The following SLC9C1 variants were observed in gnomAD, a reference collection of about 807,000 sequenced individuals.
The protein encoded by SLC9C1 is solute carrier family 9 member C1.
SLC9C1 carries 97 observed loss-of-function variants against 140.9 expected under a neutral mutation model. The observed-to-expected ratio is 0.69, with a 90% CI of 0.58 to 0.82. The LOEUF (loss-of-function observed/expected upper bound fraction) is 0.82. Ranked by LOEUF, SLC9C1 falls within the 40% of genes least tolerant of loss-of-function variation. The probability of loss-of-function intolerance (pLI) is 0.00; values close to 1 mark genes in which losing one functional copy is unlikely to be tolerated. For synonymous variants in SLC9C1, 440 were observed against 442.6 expected (o/e 0.99, Z 0.07); for missense variants, 1,340 against 1,389.3 (o/e 0.96, Z 0.56).
intron 23 of SLC9C1, among the ~76,000 whole-genome samples, chr3:112,173,774 T>G (rs191690802): frequency 6.6e-6 from 1 of 152,354 alleles, no homozygotes; most frequent in East Asian, 1.9e-4. Flanking sequence ...GTAGAATGAT[T>G]TATGTTCCTT....
chr3:112,186,705 T>G (rs925808213), intron 20 of SLC9C1, among the ~76,000 whole-genome samples: 1 of 152,204 alleles, frequency 6.6e-6, no homozygotes, highest in African/African-American at 2.4e-5. Flanking sequence ...GTATGAAAAC[T>G]TAACAAGTTT....
At chr3:112,261,558 C>A (rs959754687) in intron 10 of SLC9C1, among the ~76,000 whole-genome samples, 13 of 151,854 alleles carry the variant, frequency 8.6e-5, no homozygotes, top group Non-Finnish European at 1.9e-4. Context: ...TATTTTTAAC[C>A]CTTTACTATA....
chr3:112,200,527 A>G (rs1396284409), intron 19 of SLC9C1, among the ~76,000 whole-genome samples, 184 bp downstream of exon 19: 2 of 152,138 alleles, frequency 1.3e-5, no homozygotes, highest in African/African-American at 4.8e-5. Flanking sequence ...GAAAGTGTGA[A>G]GCGATATTAC....
At chr3:112,279,454 A>G (rs1181487642) in intron 3 of SLC9C1, among the ~76,000 whole-genome samples, 1 of 152,218 alleles carries the variant, frequency 6.6e-6, no homozygotes, top group Admixed American at 6.5e-5. Context: ...TAGGAAGTAC[A>G]TTGACATGGG....
intron 10 of SLC9C1, among the ~76,000 whole-genome samples, chr3:112,244,877 C>T (rs1484174298): frequency 1.3e-5 from 2 of 152,092 alleles, no homozygotes; most frequent in African/African-American, 2.4e-5. Context: ...TCAGGAGGTC[C>T]CCACTGAATA....
chr3:112,255,071 T>G (rs1039809921), intron 10 of SLC9C1, among the ~76,000 whole-genome samples: 1 of 152,114 alleles, frequency 6.6e-6, no homozygotes, highest in Non-Finnish European at 1.5e-5. Flanking sequence ...AGAGGAGCAC[T>G]GAGATTCATA....
At chr3:112,206,773 C>T (rs186290346) in intron 16 of SLC9C1, among the ~76,000 whole-genome samples, 6 of 149,578 alleles carry the variant, frequency 4.0e-5, no homozygotes, top group South Asian at 2.1e-4. Flanking sequence ...TATTCTCACT[C>T]GTAGGTGGGA....
rs1277588434 is a variant in SLC9C1, at chr3:112,277,734, A to T, written c.445T>A (p.Ser149Thr). The T allele has an allele frequency of 6.2e-7, 1 of 1,609,428 alleles. No homozygotes were observed. Among genetic ancestry groups the T allele is most frequent in the Non-Finnish European group, 8.5e-7 (1 of 1,177,972 alleles). The change falls in exon 5 of 29, where the codon TCA becomes ACA. Residue 149 changes from serine (S) to threonine (T), a missense_variant. Ser to Thr is a moderately conservative substitution (Grantham distance 58). Transcript: ENST00000305815. ...GCAGCTGCGGTTAGCATGGGATCTG[A>T]ACTCACAAGGATAGCTGAAAATAAT... ...WLLFSAILVS[S>T]DPMLTAAAIR...
intron 13 of SLC9C1, 121 bp downstream of exon 13, chr3:112,231,240 A>AC: frequency 8.6e-7 from 1 of 1,166,534 alleles, no homozygotes; most frequent in Non-Finnish European, 1.2e-6. Flanking sequence ...ACAATGTCAA[A>AC]CTTCCCTTTG....
At chr3:112,279,234 A>T (rs1458376648) in intron 3 of SLC9C1, among the ~76,000 whole-genome samples, 2 of 152,178 alleles carry the variant, frequency 1.3e-5, no homozygotes, top group Non-Finnish European at 1.5e-5. Flanking sequence ...TTTGGGAGAT[A>T]ATTCTCCATG....
At position 112,204,375 on chromosome 3, in the gene SLC9C1, GA is replaced by G. The variant is rs761139813; in HGVS notation, c.2014del (p.Ser672HisfsTer9). The G allele has an allele frequency of 5.0e-5, 79 of 1,567,820 alleles. No individual in the cohort carries two copies. Among genetic ancestry groups the G allele is most frequent in the Non-Finnish European group, 6.4e-5 (74 of 1,164,662 alleles). Reference protein sequence around the residue: ...KIAAMRKDFFSHAWNIFELAI... With the variant: ...KIAAMRKDFFXHAWNIFELAI... Reference sequence around the variant, plus strand: ...TAACTCGAATATGTTCCAGGCATGTGAAAAAAAGTCCTTCCTCATTGCTGCT... The same window carrying G: ...TAACTCGAATATGTTCCAGGCATGTGAAAAAAGTCCTTCCTCATTGCTGCT... On this transcript the variant is annotated frameshift_variant, in exon 17 of 29. Transcript: ENST00000305815. LOFTEE classifies it high-confidence loss of function.
At chr3:112,166,773 T>A (rs2077147327) in intron 26 of SLC9C1, among the ~76,000 whole-genome samples, 1 of 152,108 alleles carries the variant, frequency 6.6e-6, no homozygotes, top group Admixed American at 6.5e-5. Context: ...TTAACCATGG[T>A]CTTAATAGTA....
At chr3:112,228,644 A>G (rs775012051) in intron 13 of SLC9C1, among the ~76,000 whole-genome samples, 2 of 152,238 alleles carry the variant, frequency 1.3e-5, no homozygotes, top group Non-Finnish European at 2.9e-5. Context: ...CTACTAAGGC[A>G]TTAATATCCA....
At chr3:112,172,254 A>G (rs2077260559) in intron 23 of SLC9C1, among the ~76,000 whole-genome samples, 1 of 152,096 alleles carries the variant, frequency 6.6e-6, no homozygotes, top group African/African-American at 2.4e-5. Flanking sequence ...TATCTAGGAA[A>G]TATTCTATGG....
At chr3:112,152,587 C>G (rs1054206998) in intron 27 of SLC9C1, among the ~76,000 whole-genome samples, 2 of 152,068 alleles carry the variant, frequency 1.3e-5, no homozygotes, top group Admixed American at 6.6e-5. Context: ...GTATTGGTGT[C>G]AGGCTGGGGG....
intron 12 of SLC9C1, among the ~76,000 whole-genome samples, chr3:112,232,133 G>A (rs2078846423): frequency 6.6e-6 from 1 of 152,162 alleles, no homozygotes; most frequent in African/African-American, 2.4e-5. Context: ...TCCAAGGTTG[G>A]TGTTCTATCT....
intron 6 of SLC9C1, among the ~76,000 whole-genome samples, chr3:112,273,198 C>T (rs1036920790): frequency 6.6e-6 from 1 of 151,862 alleles, no homozygotes; most frequent in African/African-American, 2.4e-5. Flanking sequence ...CTTTGTTGCT[C>T]ACCTTAGTCA....
chr3:112,176,018 C>T (rs2107939697), intron 23 of SLC9C1, among the ~76,000 whole-genome samples: 1 of 152,330 alleles, frequency 6.6e-6, no homozygotes, highest in South Asian at 2.1e-4. Flanking sequence ...GATCTAACCT[C>T]CTGCTGAGGG....
intron 2 of SLC9C1, among the ~76,000 whole-genome samples, chr3:112,284,740 G>A (rs190446769): frequency 2.6e-5 from 4 of 152,272 alleles, no homozygotes; most frequent in Admixed American, 1.3e-4. Context: ...TAAACTTTTG[G>A]AAGCTGACCC....
Sources: gnomAD v4.1 joint callset for allele counts (sites outside exome capture counted in the v4.1 genomes callset) on GRCh38, gnomAD v4.1.1 for gene constraint, MANE v1.5 for transcripts, NCBI Gene and HGNC (gene_info 2026-07-23, HGNC 2026-07-21) for gene names.